The following TTLL11 variants were observed in gnomAD, a reference collection of about 807,000 sequenced individuals.
TTLL11 encodes the protein tubulin tyrosine ligase like 11, also known as tubulin polyglutamylase TTLL11.
Under a neutral mutation model 51.7 loss-of-function variants are expected in TTLL11, and 42 were observed. That is an observed-to-expected ratio of 0.81 (90% CI 0.64 to 1.05). The LOEUF (loss-of-function observed/expected upper bound fraction) is 1.05. Among genes scored for constraint, TTLL11 ranks in the 50% least tolerant of loss-of-function variants. TTLL11 has a pLI of 0.00. For synonymous variants in TTLL11, 381 were observed against 383.5 expected (o/e 0.99, Z 0.08); for missense variants, 799 against 940.4 (o/e 0.85, Z 1.97).
chr9:121,945,416 C>T lies in TTLL11; in HGVS notation c.1481+28593G>A, dbSNP rs553800021. Among the ~76,000 whole-genome samples, 15 of 152,212 alleles carry T rather than the reference C, an allele frequency of 9.9e-5. No individual in the cohort carries two copies. In the South Asian group the frequency reaches 1.5e-3, roughly 15 times the overall value. On this transcript the variant is annotated intron_variant, in intron 6 of 8. Coordinates refer to ENST00000321582, the MANE Select transcript of TTLL11 (RefSeq NM_001139442.2). Reference sequence around the variant, plus strand: ...AGGAATGGTAGATTGGGAGATTGCTCGGAAGGAAGAGTGATTTGATCTGAT... The same window carrying T: ...AGGAATGGTAGATTGGGAGATTGCTTGGAAGGAAGAGTGATTTGATCTGAT...
chr9:121,914,932 C>T (rs1390371877), intron 6 of TTLL11, among the ~76,000 whole-genome samples: 2 of 152,198 alleles, frequency 1.3e-5, no homozygotes, highest in Non-Finnish European at 2.9e-5. Context: ...GGCCCAGGTC[C>T]TCTCACCCAG....
chr9:121,826,286 G>C (rs1230579558), intron 8 of TTLL11, among the ~76,000 whole-genome samples: 1 of 105,796 alleles, frequency 9.5e-6, no homozygotes, highest in Non-Finnish European at 1.8e-5. Flanking sequence ...ATATATATGA[G>C]TGTGTGGGTG....
At chr9:121,903,538 G>T (rs1353356605) in intron 6 of TTLL11, among the ~76,000 whole-genome samples, 1 of 152,164 alleles carries the variant, frequency 6.6e-6, no homozygotes, top group Non-Finnish European at 1.5e-5. Context: ...TAACTCTTCA[G>T]ATCTTCTGTT....
chr9:121,841,589 C>A (rs529318286), intron 8 of TTLL11, among the ~76,000 whole-genome samples: 4 of 152,146 alleles, frequency 2.6e-5, no homozygotes, highest in Non-Finnish European at 4.4e-5. Flanking sequence ...TCTCTAGAGG[C>A]TGCTTGGGGC....
intron 1 of TTLL11, among the ~76,000 whole-genome samples, chr9:122,044,581 G>A (rs1248136142): frequency 6.6e-6 from 1 of 152,114 alleles, no homozygotes; most frequent in Non-Finnish European, 1.5e-5. Context: ...TCGCATTGTG[G>A]TTTTGATTTG....
At chr9:121,845,438 T>C (rs1837491027) in intron 8 of TTLL11, among the ~76,000 whole-genome samples, 1 of 152,052 alleles carries the variant, frequency 6.6e-6, no homozygotes, top group African/African-American at 2.4e-5. Context: ...AAAAATGATA[T>C]GGGCCAGAGA....
At chr9:122,060,265 G>T (rs1564379888) in intron 1 of TTLL11, among the ~76,000 whole-genome samples, 1 of 152,172 alleles carries the variant, frequency 6.6e-6, no homozygotes, top group Non-Finnish European at 1.5e-5. Context: ...CTTTCCTGAG[G>T]CTAGACTAGA....
At chr9:121,914,277 G>T (rs1840244496) in intron 6 of TTLL11, among the ~76,000 whole-genome samples, 1 of 152,220 alleles carries the variant, frequency 6.6e-6, no homozygotes, top group Non-Finnish European at 1.5e-5. Flanking sequence ...GAACTGAATA[G>T]ATGTGGCAGA....
chr9:121,876,061 C>T lies in TTLL11; in HGVS notation c.1482-5313G>A, dbSNP rs549374317. Among the ~76,000 whole-genome samples the T allele has an allele frequency of 5.9e-5, 9 of 152,334 alleles. No homozygotes were observed. In the South Asian group the frequency reaches 6.2e-4, roughly 11 times the overall value. On this transcript the variant is annotated intron_variant, in intron 6 of 8. Transcript: ENST00000321582. Reference sequence around the variant, plus strand: ...AACAATTCTACAGTGTAGGTGGAAACGATTCCCATTTTACAGATTAGGAAA... The same window carrying T: ...AACAATTCTACAGTGTAGGTGGAAATGATTCCCATTTTACAGATTAGGAAA...
chr9:121,859,477 C>A (rs1299305145), intron 8 of TTLL11, among the ~76,000 whole-genome samples: 2 of 152,136 alleles, frequency 1.3e-5, no homozygotes, highest in African/African-American at 2.4e-5. Context: ...ACCACTCCAG[C>A]CTGGGCAACA....
rs1234433304 is a variant in TTLL11, at chr9:122,092,982, CCT to C, written c.165_166del (p.Glu57GlyfsTer17). 8 of 1,566,202 alleles carry C rather than the reference CCT, an allele frequency of 5.1e-6. No individual in the cohort carries two copies. Among genetic ancestry groups the C allele is most frequent in the Non-Finnish European group, 6.9e-6 (8 of 1,165,286 alleles). The stretch of plus-strand genomic sequence containing the variant: ...GGCCAGGACCTTGGGCTGCTCCTCC[CCT>C]GCCTTGCACTCCGGTTCCCCGGCCG... On this transcript the variant is annotated frameshift_variant, in exon 1 of 9. Transcript: ENST00000321582. LOFTEE classifies it high-confidence loss of function.
chr9:121,859,456 G>A (rs765391941), intron 8 of TTLL11, among the ~76,000 whole-genome samples: 1 of 152,110 alleles, frequency 6.6e-6, no homozygotes, highest in Non-Finnish European at 1.5e-5. Context: ...AGCTGAGATC[G>A]TGCCACTGCA....
chr9:122,072,027 AC>A (rs2131895646), intron 1 of TTLL11, among the ~76,000 whole-genome samples: 1 of 152,236 alleles, frequency 6.6e-6, no homozygotes, highest in African/African-American at 2.4e-5. Flanking sequence ...TTTCTAATAT[AC>A]AAATCAGATT....
At chr9:121,918,599 G>A (rs1840421180) in intron 6 of TTLL11, among the ~76,000 whole-genome samples, 1 of 152,150 alleles carries the variant, frequency 6.6e-6, no homozygotes, top group African/African-American at 2.4e-5. Context: ...GAGTGGGGAG[G>A]CATCATTAGA....
At chr9:121,911,589 T>C (rs1840121358) in intron 6 of TTLL11, among the ~76,000 whole-genome samples, 1 of 152,106 alleles carries the variant, frequency 6.6e-6, no homozygotes, top group South Asian at 2.1e-4. Flanking sequence ...ATATATACCA[T>C]GGAATACTAT....
chr9:121,936,187 G>A (rs1475064505), intron 6 of TTLL11, among the ~76,000 whole-genome samples: 1 of 152,016 alleles, frequency 6.6e-6, no homozygotes, highest in Admixed American at 6.6e-5. Context: ...AGGACAAGCT[G>A]AAATAATCAA....
intron 6 of TTLL11, among the ~76,000 whole-genome samples, chr9:121,950,544 C>T (rs1034795102): frequency 2.0e-5 from 3 of 152,210 alleles, no homozygotes; most frequent in Admixed American, 2.0e-4. Context: ...AAGGTAGAGT[C>T]TGACCTGAGG....
intron 6 of TTLL11, among the ~76,000 whole-genome samples, chr9:121,915,975 A>G (rs1482875758): frequency 3.1e-5 from 4 of 127,616 alleles, no homozygotes; most frequent in African/African-American, 1.1e-4. Context: ...GCATGTATAG[A>G]CAAAGACACA....
chr9:122,014,324 C>T (rs1180033842), intron 3 of TTLL11, among the ~76,000 whole-genome samples: 1 of 152,074 alleles, frequency 6.6e-6, no homozygotes, highest in Non-Finnish European at 1.5e-5. Flanking sequence ...GAGATCGTAC[C>T]ACTGCACTCC....
Sources: gnomAD v4.1 joint callset for allele counts (sites outside exome capture counted in the v4.1 genomes callset) on GRCh38, gnomAD v4.1.1 for gene constraint, MANE v1.5 for transcripts, NCBI Gene and HGNC (gene_info 2026-07-23, HGNC 2026-07-21) for gene names.